Variants in ADGRL2 observed in about 807,000 individuals in gnomAD.
ADGRL2 encodes the protein calcium-independent alpha-latrotoxin receptor 2.
A neutral mutation model predicts 157.4 loss-of-function variants in ADGRL2; 44 were observed. The ratio of observed to expected loss-of-function variants is 0.28; its 90% CI spans 0.22 to 0.36. The LOEUF is 0.36. ADGRL2 is among the 10% of genes least tolerant of loss of function. The pLI is 1.00. For synonymous variants in ADGRL2, 585 were observed against 624.7 expected (o/e 0.94, Z 0.95); for missense variants, 1,510 against 1,768.9 (o/e 0.85, Z 2.63).
At chr1:81,987,501 A>G in intron 22 of ADGRL2, 1 of 655,970 alleles carries the variant, frequency 1.5e-6, no homozygotes, top group East Asian at 2.6e-5. Context: ...GTGCAGCTTT[A>G]TGGTAGTTTT....
chr1:81,889,054 T>C (rs2094198900), intron 2 of ADGRL2, among the ~76,000 whole-genome samples: 1 of 152,094 alleles, frequency 6.6e-6, no homozygotes, highest in South Asian at 2.1e-4. Context: ...CTTCCCTGTC[T>C]CTCCCCCTCT....
intron 1 of ADGRL2, among the ~76,000 whole-genome samples, chr1:81,348,346 G>C (rs917560906): frequency 6.6e-6 from 1 of 152,096 alleles, no homozygotes; most frequent in Non-Finnish European, 1.5e-5. Flanking sequence ...TTTAAAACAA[G>C]GCAACGACAA....
At chr1:81,820,570 CT>C (rs987176023) in intron 1 of ADGRL2, among the ~76,000 whole-genome samples, 12 of 151,632 alleles carry the variant, frequency 7.9e-5, no homozygotes, top group Non-Finnish European at 1.5e-4. Context: ...GAAGACTCTT[CT>C]TTTTTTCAAT....
At chr1:81,426,244 G>A (rs762420215) in intron 1 of ADGRL2, among the ~76,000 whole-genome samples, 4 of 152,102 alleles carry the variant, frequency 2.6e-5, no homozygotes, top group African/African-American at 7.2e-5. Flanking sequence ...TTGGCCTCCA[G>A]GTATAGGGCA....
At chr1:81,808,402 T>G (rs928843451) in intron 1 of ADGRL2, among the ~76,000 whole-genome samples, 4 of 152,066 alleles carry the variant, frequency 2.6e-5, no homozygotes, top group African/African-American at 9.7e-5. Flanking sequence ...GCGCCAGTTT[T>G]GATATGCATA....
At chr1:81,388,237 G>A (rs2076472554) in intron 1 of ADGRL2, among the ~76,000 whole-genome samples, 1 of 152,124 alleles carries the variant, frequency 6.6e-6, no homozygotes, top group Non-Finnish European at 1.5e-5. Flanking sequence ...ATAGTGCTTT[G>A]TGTGTGTTTT....
At chr1:81,849,364 AC>A (rs1163202747) in intron 2 of ADGRL2, among the ~76,000 whole-genome samples, 1 of 151,814 alleles carries the variant, frequency 6.6e-6, no homozygotes, top group East Asian at 1.9e-4. Context: ...CAACAATAAA[AC>A]CCCGTAACCA....
chr1:81,732,296 C>G (rs547293304), intron 1 of ADGRL2, among the ~76,000 whole-genome samples: 2 of 152,274 alleles, frequency 1.3e-5, no homozygotes, highest in Admixed American at 1.3e-4. Flanking sequence ...ACATCAGCTA[C>G]ATATCTCAAC....
At chr1:81,721,957 T>C in intron 1 of ADGRL2, 1 of 625,006 alleles carries the variant, frequency 1.6e-6, no homozygotes, top group Non-Finnish European at 3.0e-6. Context: ...GAATGGGTGA[T>C]TGAACCAGAC....
At chr1:81,358,222 A>G (rs189962711) in intron 1 of ADGRL2, among the ~76,000 whole-genome samples, 3 of 152,326 alleles carry the variant, frequency 2.0e-5, no homozygotes, top group Admixed American at 2.0e-4. Context: ...CAGAGGGTGA[A>G]TTTCCAAGGC....
intron 2 of ADGRL2, among the ~76,000 whole-genome samples, chr1:81,880,658 C>G (rs1229930664): frequency 1.3e-5 from 2 of 150,938 alleles, no homozygotes; most frequent in Non-Finnish European, 3.0e-5. Flanking sequence ...AATTTCTTCT[C>G]CCTCCCACCG....
At chr1:81,653,274 A>T (rs1557538978) in intron 3 of ADGRL2, among the ~76,000 whole-genome samples, 1 of 150,620 alleles carries the variant, frequency 6.6e-6, no homozygotes, top group Admixed American at 6.6e-5. Context: ...CCATAGAATG[A>T]TGTACCATAA....
chr1:81,361,282 C>T (rs149415027), intron 1 of ADGRL2, among the ~76,000 whole-genome samples: 5 of 151,926 alleles, frequency 3.3e-5, no homozygotes, highest in African/African-American at 1.2e-4. Context: ...ATTATAATGC[C>T]ATTTGGGATA....
chr1:81,696,469 T>C (rs1281363414), upstream of ADGRL2, among the ~76,000 whole-genome samples: 1 of 151,896 alleles, frequency 6.6e-6, no homozygotes, highest in Non-Finnish European at 1.5e-5. Context: ...TAGAGAGGAG[T>C]TGGCCAGGCG....
intron 2 of ADGRL2, among the ~76,000 whole-genome samples, chr1:81,771,588 C>A (rs1005969121): frequency 3.3e-5 from 5 of 152,106 alleles, no homozygotes; most frequent in African/African-American, 1.2e-4. Flanking sequence ...ATAAACCAAC[C>A]TTACTGTGTT....
chr1:81,909,588 A>G (rs968118958), intron 3 of ADGRL2, among the ~76,000 whole-genome samples: 2 of 152,222 alleles, frequency 1.3e-5, no homozygotes. Context: ...AATATGACAG[A>G]TGTGTTAAGC....
intron 3 of ADGRL2, among the ~76,000 whole-genome samples, chr1:81,907,621 A>G (rs1341582905): frequency 6.6e-6 from 1 of 151,950 alleles, no homozygotes; most frequent in Non-Finnish European, 1.5e-5. Flanking sequence ...TTTTTAAATT[A>G]ATAAACTTTG....
At chr1:81,508,157 T>C (rs1302861634) in intron 2 of ADGRL2, among the ~76,000 whole-genome samples, 1 of 152,224 alleles carries the variant, frequency 6.6e-6, no homozygotes, top group Non-Finnish European at 1.5e-5. Context: ...ATAACACAAT[T>C]CATATTATGT....
chr1:81,370,494 A>C (rs758551750), intron 1 of ADGRL2, among the ~76,000 whole-genome samples: 4 of 152,134 alleles, frequency 2.6e-5, no homozygotes, highest in Non-Finnish European at 5.9e-5. Flanking sequence ...GTATATACCA[A>C]AGAAACTGAA....
Sources: gnomAD v4.1 joint callset for allele counts (sites outside exome capture counted in the v4.1 genomes callset) on GRCh38, gnomAD v4.1.1 for gene constraint, MANE v1.5 for transcripts, NCBI Gene and HGNC (gene_info 2026-07-23, HGNC 2026-07-21) for gene names.